The following PTH2R variants were observed in gnomAD, a reference collection of about 807,000 sequenced individuals.
The protein encoded by PTH2R is parathyroid hormone 2 receptor, also known as PTH2 receptor.
PTH2R carries 59 observed loss-of-function variants against 60.3 expected under a neutral mutation model. The observed-to-expected ratio is 0.98, with a 90% CI of 0.79 to 1.22. The LOEUF (loss-of-function observed/expected upper bound fraction) is 1.22. Ranked by LOEUF, PTH2R falls within the 50% of genes most tolerant of loss-of-function variation. The pLI is 0.00. For synonymous variants in PTH2R, 256 were observed against 243.8 expected (o/e 1.05, Z -0.47); for missense variants, 749 against 682.6 (o/e 1.10, Z -1.08).
At chr2:208,394,927 A>T (rs1312258605) in intron 1 of PTH2R, among the ~76,000 whole-genome samples, 1 of 152,168 alleles carries the variant, frequency 6.6e-6, no homozygotes, top group East Asian at 1.9e-4. Flanking sequence ...CTGAATGGCC[A>T]TTTTGCTGCT....
intron 7 of PTH2R, among the ~76,000 whole-genome samples, chr2:208,449,679 CATT>C (rs1032617007): frequency 1.3e-5 from 2 of 152,242 alleles, no homozygotes; most frequent in Middle Eastern, 3.4e-3. Flanking sequence ...AGACCAAAGA[CATT>C]ATTGTGCATA....
Position 208,380,835 on chromosome 2 carries a change from T to C in PTH2R, c.-259+20598T>C, listed in dbSNP as rs138939815. On this transcript the variant is annotated intron_variant, in intron 1 of 12. Transcript: ENST00000617735. ...TAGACCTAAGCCACCACTCCAGTAC[T>C]GACTGTCAGTAAGGAAGGTGACATG... Among the ~76,000 whole-genome samples the C allele has an allele frequency of 1.2e-3, 182 of 152,270 alleles. 1 individual carries two copies. Among genetic ancestry groups the C allele is most frequent in the African/African-American group, 4.2e-3 (174 of 41,498 alleles).
At chr2:208,452,789 A>G (rs994275184) in intron 8 of PTH2R, among the ~76,000 whole-genome samples, 9 of 152,330 alleles carry the variant, frequency 5.9e-5, no homozygotes, top group Admixed American at 3.3e-4. Flanking sequence ...ATATTAAGTA[A>G]GTTAAAACTC....
rs1042281932 is a variant in PTH2R, at chr2:208,399,404, T to C, written c.-258-28797T>C. Reference sequence around the variant, plus strand: ...TAATCTGCTGGATAAGAGTGGTTTGTATATCTGCAGCCTTGGGCTATGCTG... The same window carrying C: ...TAATCTGCTGGATAAGAGTGGTTTGCATATCTGCAGCCTTGGGCTATGCTG... On this transcript the variant is annotated intron_variant, in intron 1 of 12. Coordinates refer to the PTH2R transcript ENST00000617735. Among the ~76,000 whole-genome samples the C allele has an allele frequency of 2.6e-4, 39 of 152,144 alleles. 1 individual carries two copies. The highest frequency in any genetic ancestry group is 9.2e-4 in the African/African-American group (38 of 41,446).
intron 2 of PTH2R, among the ~76,000 whole-genome samples, chr2:208,435,482 A>G (rs973804405): frequency 3.9e-5 from 6 of 152,194 alleles, no homozygotes; most frequent in Admixed American, 6.5e-5. Context: ...GAGGAAGGCA[A>G]AAGAATCAGA....
chr2:208,368,146 G>A (rs1700628873), intron 1 of PTH2R, among the ~76,000 whole-genome samples: 1 of 152,050 alleles, frequency 6.6e-6, no homozygotes, highest in Non-Finnish European at 1.5e-5. Context: ...ACTTTACCTG[G>A]TACTCTGAGG....
chr2:208,444,468 A>G lies in PTH2R; in HGVS notation c.700-266A>G, dbSNP rs1293120381. Among the ~76,000 whole-genome samples, 4 of 152,318 alleles carry G rather than the reference A, an allele frequency of 2.6e-5. No individual in the cohort carries two copies. In the East Asian group the frequency reaches 7.7e-4, roughly 29 times the overall value. On this transcript the variant is annotated intron_variant, in intron 6 of 12. Transcript: ENST00000272847. ...TCTGTGATGGTCGTGTATTATTTTT[A>G]TAAAGTGAAAAAATTGAGAAAAGGT...
chr2:208,485,048 A>T (rs974578244), intron 10 of PTH2R, among the ~76,000 whole-genome samples: 5 of 152,210 alleles, frequency 3.3e-5, no homozygotes, highest in Non-Finnish European at 7.3e-5. Context: ...AAAATGGGGA[A>T]AGTACCAACA....
chr2:208,429,194 A>G (rs1278740832), intron 2 of PTH2R, among the ~76,000 whole-genome samples: 1 of 151,892 alleles, frequency 6.6e-6, no homozygotes, highest in Non-Finnish European at 1.5e-5. Flanking sequence ...TTCTGAGTAC[A>G]ATGTTTTATA....
intron 10 of PTH2R, among the ~76,000 whole-genome samples, chr2:208,481,730 A>G (rs778858205): frequency 1.3e-5 from 2 of 152,102 alleles, no homozygotes; most frequent in Non-Finnish European, 2.9e-5. Flanking sequence ...CTATATATGA[A>G]CTCCCAGAAA....
chr2:208,455,970 G>A (rs976467523), intron 8 of PTH2R, among the ~76,000 whole-genome samples: 15 of 152,278 alleles, frequency 9.9e-5, no homozygotes, highest in Middle Eastern at 3.4e-3. Flanking sequence ...TGGGCAAGGT[G>A]GCTCATGCCT....
chr2:208,393,837 A>G (rs1034301756), intron 1 of PTH2R, among the ~76,000 whole-genome samples: 3 of 152,210 alleles, frequency 2.0e-5, no homozygotes, highest in Non-Finnish European at 2.9e-5. Flanking sequence ...CACCACTCCC[A>G]TCAGGCATTT....
intron 8 of PTH2R, among the ~76,000 whole-genome samples, chr2:208,454,034 G>C (rs2105882328): frequency 6.6e-6 from 1 of 152,294 alleles, no homozygotes; most frequent in East Asian, 1.9e-4. Flanking sequence ...TGACCCAAGT[G>C]CCTCCGGGGC....
intron 9 of PTH2R, among the ~76,000 whole-genome samples, chr2:208,461,961 TC>T (rs1262277509): frequency 1.3e-5 from 2 of 152,242 alleles, no homozygotes; most frequent in African/African-American, 4.8e-5. Context: ...ATTTTCATCT[TC>T]TTGAGCTAAA....
intron 1 of PTH2R, among the ~76,000 whole-genome samples, chr2:208,427,075 C>A (rs1443848590): frequency 6.6e-6 from 1 of 152,068 alleles, no homozygotes; most frequent in Non-Finnish European, 1.5e-5. Context: ...AAAAATGGCA[C>A]AAGGGGTGAT....
intron 7 of PTH2R, among the ~76,000 whole-genome samples, chr2:208,449,878 T>G (rs1355550035): frequency 6.6e-6 from 1 of 152,236 alleles, no homozygotes; most frequent in Non-Finnish European, 1.5e-5. Context: ...AGGTGCTTCC[T>G]AGATTCTAAA....
At position 208,471,841 on chromosome 2, in the gene PTH2R, G is replaced by A. The variant is rs568446043; in HGVS notation, c.982-9229G>A. ...CACTCAATGCCAGCTTGTGAAAGAA[G>A]CAGGAGGGGGGCTATACCCTGCAAA... On this transcript the variant is annotated intron_variant, in intron 9 of 12. Transcript: ENST00000272847. Among the ~76,000 whole-genome samples, 8 of 152,346 alleles carry A rather than the reference G, an allele frequency of 5.3e-5. No homozygotes were observed. The South Asian group carries it at 1.0e-3, about 20-fold the overall frequency.
At chr2:208,424,138 T>C (rs1701810472) in intron 1 of PTH2R, among the ~76,000 whole-genome samples, 1 of 152,202 alleles carries the variant, frequency 6.6e-6, no homozygotes, top group African/African-American at 2.4e-5. Flanking sequence ...AGAGGGACAC[T>C]GTGTTACTGT....
At chr2:208,472,447 C>T (rs1702904563) in intron 9 of PTH2R, among the ~76,000 whole-genome samples, 1 of 152,120 alleles carries the variant, frequency 6.6e-6, no homozygotes, top group African/African-American at 2.4e-5. Context: ...GTGGGAGGGA[C>T]CCAGTGGGAG....
Sources: gnomAD v4.1 joint callset for allele counts (sites outside exome capture counted in the v4.1 genomes callset) on GRCh38, gnomAD v4.1.1 for gene constraint, MANE v1.5 for transcripts, NCBI Gene and HGNC (gene_info 2026-07-23, HGNC 2026-07-21) for gene names.